Variants in PHF21A observed in about 807,000 individuals in gnomAD.
PHF21A encodes the protein PHD finger protein 21A.
In PHF21A, 11 loss-of-function variants were observed where a neutral mutation model predicts 82.5. The observed-to-expected ratio is 0.13, with a 90% CI of 0.08 to 0.22. The LOEUF (loss-of-function observed/expected upper bound fraction) is 0.22. Among genes scored for constraint, PHF21A ranks in the 10% least tolerant of loss-of-function variants. The pLI is 1.00. For missense variants in PHF21A, 579 were observed against 837.8 expected, an observed-to-expected ratio of 0.69 and a Z score of 3.81; for synonymous variants, 297 against 302.8, an observed-to-expected ratio of 0.98 and a Z score of 0.20.
chr11:45,966,852 C>T (rs894536999), intron 9 of PHF21A, among the ~76,000 whole-genome samples: 3 of 152,064 alleles, frequency 2.0e-5, no homozygotes, highest in Non-Finnish European at 4.4e-5. Context: ...CTTCTGACCT[C>T]GGGATCCACC....
In PHF21A at chr11:45,998,946, C is replaced by T. The variant is rs1051965470; in HGVS notation, c.154-18980G>A. ...CAAGCAATTCTCCTCCCTCAGCCTC[C>T]CTCCCGAATAGCTGGGATTACAGGC... On this transcript the variant is annotated intron_variant, in intron 6 of 18. Coordinates refer to ENST00000676320, the MANE Select transcript of PHF21A (RefSeq NM_001352027.3). Among the ~76,000 whole-genome samples, 3 of 152,176 alleles carry T rather than the reference C, an allele frequency of 2.0e-5. No individual in the cohort carries two copies. In the East Asian group the frequency reaches 5.8e-4, roughly 29 times the overall value.
chr11:45,990,107 A>G (rs1429473616), intron 6 of PHF21A, among the ~76,000 whole-genome samples: 1 of 152,106 alleles, frequency 6.6e-6, no homozygotes. Flanking sequence ...TCTAATCCAC[A>G]AATTTCTACA....
At chr11:45,972,865 A>T (rs1402423634) in intron 7 of PHF21A, among the ~76,000 whole-genome samples, 5 of 149,218 alleles carry the variant, frequency 3.4e-5, no homozygotes, top group Non-Finnish European at 6.0e-5. Flanking sequence ...AGTGAGCAGA[A>T]ATTGTGCCAC....
rs181780211 is a variant in PHF21A at position 46,115,215 on chromosome 11, A to G, written c.-237+5720T>C. ...AATTGCCACACAAGTCTAGTGTAAG[A>G]AAGTTGCTTTAGAAGAGTCCAAAGG... is the stretch of plus-strand genomic sequence containing the variant. On this transcript the variant is annotated intron_variant, in intron 1 of 18. Coordinates refer to ENST00000676320, the MANE Select transcript of PHF21A (RefSeq NM_001352027.3). Among the ~76,000 whole-genome samples, 231 of 152,306 alleles carry G rather than the reference A, an allele frequency of 1.5e-3. 1 individual carries two copies. Among genetic ancestry groups the G allele is most frequent in the African/African-American group, 5.1e-3 (210 of 41,552 alleles).
chr11:45,970,301 C>A (rs2093672070), intron 8 of PHF21A: 1 of 196,170 alleles, frequency 5.1e-6, no homozygotes, highest in African/African-American at 2.4e-5. Flanking sequence ...GGCTTTATTC[C>A]TATAGAAAAT....
At chr11:46,057,076 T>C (rs1000213546) in intron 6 of PHF21A, among the ~76,000 whole-genome samples, 2 of 152,222 alleles carry the variant, frequency 1.3e-5, no homozygotes, top group Admixed American at 1.3e-4. Context: ...ATTAATCTGT[T>C]TTGGTTTATA....
chr11:46,087,987 G>C (rs2096876550), intron 3 of PHF21A, among the ~76,000 whole-genome samples: 1 of 151,970 alleles, frequency 6.6e-6, no homozygotes, highest in South Asian at 2.1e-4. Context: ...GAGCTCCTGG[G>C]CTAAAGTGAC....
intron 12 of PHF21A, 91 bp from the exon 13 acceptor site, chr11:45,949,572 G>C: frequency 2.8e-6 from 3 of 1,076,572 alleles, no homozygotes; most frequent in Non-Finnish European, 4.3e-6. Context: ...TTTCCCATAA[G>C]AAATCAGAAT....
At chr11:46,066,391 A>T (rs919254005) in intron 6 of PHF21A, among the ~76,000 whole-genome samples, 6 of 152,208 alleles carry the variant, frequency 3.9e-5, no homozygotes, top group African/African-American at 1.4e-4. Flanking sequence ...TTAAAAATTA[A>T]TATGTGTTCC....
chr11:45,955,991 G>T (rs1439871021), intron 10 of PHF21A, among the ~76,000 whole-genome samples: 2 of 152,234 alleles, frequency 1.3e-5, no homozygotes, highest in African/African-American at 4.8e-5. Flanking sequence ...GAACTAAGTT[G>T]CAGACCAGAA....
At chr11:46,088,408 T>TAACAAC (rs3061959) in intron 3 of PHF21A, among the ~76,000 whole-genome samples, 39,809 of 150,706 alleles carry the variant, frequency 0.26, 5,360 homozygotes, top group Non-Finnish European at 0.29. Context: ...AACTTTCCAA[T>TAACAAC]AACAACAACA....
At chr11:46,120,360 G>T (rs1421229330) in intron 1 of PHF21A, 3 of 150,516 alleles carry the variant, frequency 2.0e-5, no homozygotes, top group African/African-American at 7.3e-5. Flanking sequence ...GGACAGCCGA[G>T]GGGGGGCGGG....
At chr11:46,110,387 A>T (rs2097198571) in intron 1 of PHF21A, among the ~76,000 whole-genome samples, 1 of 152,174 alleles carries the variant, frequency 6.6e-6, no homozygotes, top group African/African-American at 2.4e-5. Flanking sequence ...TAAAAAAGAA[A>T]ACTGTGTTCA....
chr11:46,118,394 T>C (rs1033686301), intron 1 of PHF21A, among the ~76,000 whole-genome samples: 1 of 148,898 alleles, frequency 6.7e-6, no homozygotes, highest in Non-Finnish European at 1.5e-5. Flanking sequence ...ACTATTATGT[T>C]ACCAAAAGCA....
At chr11:46,081,115 G>T (rs868015386) in intron 4 of PHF21A, among the ~76,000 whole-genome samples, 1 of 152,114 alleles carries the variant, frequency 6.6e-6, no homozygotes, top group Admixed American at 6.6e-5. Context: ...ATAATCTTTG[G>T]TGTATCACTT....
chr11:46,075,054 A>T (rs2096709723), intron 6 of PHF21A, among the ~76,000 whole-genome samples: 1 of 152,220 alleles, frequency 6.6e-6, no homozygotes, highest in Admixed American at 6.5e-5. Flanking sequence ...GACATTTTTT[A>T]AAATTCCAGT....
At chr11:46,023,112 A>G (rs1592123697) in intron 6 of PHF21A, among the ~76,000 whole-genome samples, 1 of 152,308 alleles carries the variant, frequency 6.6e-6, no homozygotes, top group East Asian at 1.9e-4. Context: ...ATATGTGGAC[A>G]ATCTGGAAAA....
chr11:46,041,333 T>A (rs921652176), intron 6 of PHF21A, among the ~76,000 whole-genome samples: 3 of 152,184 alleles, frequency 2.0e-5, no homozygotes, highest in Non-Finnish European at 4.4e-5. Context: ...ATTTAGGATG[T>A]TCAAGGAAAT....
intron 6 of PHF21A, among the ~76,000 whole-genome samples, chr11:46,051,657 T>C (rs2096368148): frequency 2.0e-5 from 3 of 152,198 alleles, no homozygotes. Context: ...TTCCATTCTG[T>C]AGTACTTTCC....
Sources: allele counts gnomAD v4.1 joint callset (sites outside exome capture counted in the v4.1 genomes callset), GRCh38; gene constraint gnomAD v4.1.1; transcripts MANE v1.5; gene names NCBI Gene and HGNC (gene_info 2026-07-23, HGNC 2026-07-21).